Variants in CDC40 observed in about 807,000 individuals in gnomAD.
The protein encoded by CDC40 is cell division cycle 40, also known as pre-mRNA-processing factor 17.
CDC40 carries 27 observed loss-of-function variants against 80.6 expected under a neutral mutation model. The observed-to-expected ratio is 0.33, with a 90% CI of 0.25 to 0.46. The LOEUF is 0.46. Among genes scored for constraint, CDC40 ranks in the 20% least tolerant of loss-of-function variants. The pLI, the probability that CDC40 is intolerant of heterozygous loss-of-function variation, is 1.00. For synonymous variants in CDC40, 221 were observed against 232.6 expected, an observed-to-expected ratio of 0.95 and a Z score of 0.45; for missense variants, 486 against 694.1, an observed-to-expected ratio of 0.70 and a Z score of 3.37.
chr6:110,201,476 T>C, intron 2 of CDC40, 82 bp from the exon 3 acceptor site: 9 of 1,039,588 alleles, frequency 8.7e-6, no homozygotes, highest in Non-Finnish European at 1.2e-5. Context: ...TGTACAGTTA[T>C]TCCAGTAATT....
chr6:110,221,598 C>A (rs917902835), intron 12 of CDC40, among the ~76,000 whole-genome samples: 5 of 152,152 alleles, frequency 3.3e-5, no homozygotes, highest in African/African-American at 4.8e-5. Flanking sequence ...TATGAGCCAC[C>A]TTAGATCACT....
At chr6:110,193,080 C>T in intron 1 of CDC40, 102 bp from the exon 2 acceptor site, 1 of 686,200 alleles carries the variant, frequency 1.5e-6, no homozygotes, top group Non-Finnish European at 2.6e-6. Context: ...AAGTTATAAC[C>T]ATAAAATAGA....
intron 1 of CDC40, among the ~76,000 whole-genome samples, chr6:110,180,934 T>A (rs559882729): frequency 9.8e-5 from 15 of 152,302 alleles, no homozygotes; most frequent in African/African-American, 3.4e-4. Context: ...TCTCGGAACA[T>A]AAGTGAAATT....
chr6:110,212,938 T>TG (rs1777655227), intron 7 of CDC40, 148 bp from the exon 8 acceptor site: 1 of 656,582 alleles, frequency 1.5e-6, no homozygotes. Context: ...GCTCTTGGAA[T>TG]GCTAATGAAA....
intron 1 of CDC40, among the ~76,000 whole-genome samples, chr6:110,182,728 A>G (rs2114645055): frequency 6.6e-6 from 1 of 152,204 alleles, no homozygotes; most frequent in East Asian, 1.9e-4. Context: ...ACTCAATGAT[A>G]TTCATCAAAT....
chr6:110,201,484 AT>A (rs1479865372), intron 2 of CDC40, 73 bp from the exon 3 acceptor site: 2 of 1,145,394 alleles, frequency 1.7e-6, no homozygotes, highest in African/African-American at 3.1e-5. Flanking sequence ...TATTCCAGTA[AT>A]TCTAACTTCC....
chr6:110,181,996 T>A lies in CDC40; in HGVS notation c.189+1363T>A, dbSNP rs115562845. Among the ~76,000 whole-genome samples the A allele has an allele frequency of 2.3e-3, 349 of 152,310 alleles. 1 individual carries two copies. Among genetic ancestry groups the A allele is most frequent in the African/African-American group, 8.1e-3 (337 of 41,552 alleles). On this transcript the variant is annotated intron_variant, in intron 1 of 14. Transcript: ENST00000307731. The stretch of plus-strand genomic sequence containing the variant: ...CTCTTAGTCCTCTTTGCATTCCACA[T>A]ATTCTCCCATACCTTCAACCTCAGG...
Position 110,207,506 on chromosome 6 carries a change from G to A in CDC40, c.407G>A (p.Gly136Asp). The change falls in exon 4 of 15, where the codon GGT (glycine) becomes GAT (aspartate). Residue 136 changes from glycine (G) to aspartate (D), a missense_variant and splice_region_variant. By Grantham distance (94) the Gly-to-Asp change is moderately conservative. This residue lies in a region of CDC40 where 381 missense variants were observed against 492.1 expected (regional missense o/e 0.77). Coordinates refer to ENST00000307731, the MANE Select transcript of CDC40 (RefSeq NM_015891.3). ...ATAATTTTCACTTTTTTGCTTTCAG[G>A]TTATGCATTAGACCCTTCATTAGAT... Reference protein sequence around the residue: ...EQQRRTFATYGYALDPSLDNH... With the variant: ...EQQRRTFATYDYALDPSLDNH... The A allele has an allele frequency of 6.4e-7, 1 of 1,557,372 alleles. No homozygotes were observed. The highest frequency in any genetic ancestry group is 8.8e-7 in the Non-Finnish European group (1 of 1,134,450).
chr6:110,210,811 A>AT lies in CDC40; in HGVS notation c.727+14dup, dbSNP rs756723109. ...AGAAGACAATCTTACATGGTAACAT[A>AT]TTTTTTGTACATCTTCATTTTTATG... On this transcript the variant is annotated intron_variant, in intron 6 of 14. Transcript: ENST00000307731. 9 of 1,454,760 alleles carry AT rather than the reference A, an allele frequency of 6.2e-6. No homozygotes were observed. Among genetic ancestry groups the AT allele is most frequent in the Non-Finnish European group, 7.4e-6 (8 of 1,080,822 alleles). The allele number at this position is 1,454,760 out of a possible 1,614,324, so 90.1% of individuals were successfully genotyped here.
chr6:110,204,275 G>C (rs1360425834), intron 3 of CDC40, among the ~76,000 whole-genome samples: 1 of 152,140 alleles, frequency 6.6e-6, no homozygotes, highest in South Asian at 2.1e-4. Context: ...GCCTCCCAAA[G>C]TGCTGGGATT....
chr6:110,212,411 C>G lies in CDC40; in HGVS notation c.867+139C>G, dbSNP rs2114664783. 4 of 785,780 alleles carry G rather than the reference C, an allele frequency of 5.1e-6. No individual in the cohort carries two copies. The East Asian group carries it at 1.1e-4, about 21-fold the overall frequency. 48.7% of individuals were successfully genotyped at this position (785,780 alleles called of 1,614,324 possible). Reference sequence around the variant, plus strand: ...AAATTGAATGTAAGCCTGAGTTATGCTTTGGAGATGCCCACACATCCATCA... The same window carrying G: ...AAATTGAATGTAAGCCTGAGTTATGGTTTGGAGATGCCCACACATCCATCA... On this transcript the variant is annotated intron_variant, in intron 7 of 14. Transcript: ENST00000307731.
At chr6:110,183,465 C>T (rs1274546239) in intron 1 of CDC40, among the ~76,000 whole-genome samples, 1 of 152,140 alleles carries the variant, frequency 6.6e-6, no homozygotes, top group Non-Finnish European at 1.5e-5. Context: ...TAAGGGAACC[C>T]AGGAGGAAAG....
At chr6:110,181,181 A>G (rs1355405896) in intron 1 of CDC40, among the ~76,000 whole-genome samples, 1 of 152,248 alleles carries the variant, frequency 6.6e-6, no homozygotes, top group Non-Finnish European at 1.5e-5. Context: ...GCACAGAGCC[A>G]ACTAGTGAGA....
intron 1 of CDC40, among the ~76,000 whole-genome samples, chr6:110,185,401 C>T (rs1002405549): frequency 2.0e-5 from 3 of 151,530 alleles, no homozygotes; most frequent in Non-Finnish European, 4.4e-5. Context: ...CGCCACTACG[C>T]CCGGCTAATT....
chr6:110,219,745 C>T lies in CDC40; in HGVS notation c.1216C>T (p.Arg406Ter), dbSNP rs777078730. The T allele has an allele frequency of 9.3e-6, 15 of 1,613,686 alleles. No individual in the cohort carries two copies. Among genetic ancestry groups the T allele is most frequent in the Admixed American group, 5.0e-5 (3 of 59,956 alleles). ...SDKKIVQWDI[R>*]SGEIVQEYDR... ...CTTGCCTGATACACAGTGGGACATT[C>T]GAAGTGGAGAAATTGTGCAGGAATA... Residue 406 changes from arginine to a stop codon, truncating the protein, a stop_gained, in exon 12 of 15, where the codon CGA becomes TGA. Transcript: ENST00000307731. LOFTEE classifies it high-confidence loss of function.
chr6:110,206,526 A>G (rs531482805), intron 3 of CDC40, among the ~76,000 whole-genome samples: 33 of 152,336 alleles, frequency 2.2e-4, no homozygotes, highest in African/African-American at 7.9e-4. Flanking sequence ...TTAAATTCCC[A>G]TGGACCACTG....
At chr6:110,184,371 C>T (rs932215537) in intron 1 of CDC40, among the ~76,000 whole-genome samples, 1 of 146,832 alleles carries the variant, frequency 6.8e-6, no homozygotes, top group Non-Finnish European at 1.5e-5. Flanking sequence ...TTTGTTTAGG[C>T]CTTTTTTTAG....
intron 8 of CDC40, among the ~76,000 whole-genome samples, chr6:110,213,565 T>C (rs1288965486): frequency 6.6e-6 from 1 of 152,040 alleles, no homozygotes; most frequent in Non-Finnish European, 1.5e-5. Context: ...TTTTTAAGCT[T>C]AGACAACTGA....
Position 110,204,537 on chromosome 6 carries a change from G to A in CDC40, c.406+2850G>A, listed in dbSNP as rs150498403. On this transcript the variant is annotated intron_variant, in intron 3 of 14. Coordinates refer to ENST00000307731, the MANE Select transcript of CDC40 (RefSeq NM_015891.3). ...TATTTTATACTATTTTCTTAAATGA[G>A]TTCCCAAACGTAGGTAAAAGAATAT... Among the ~76,000 whole-genome samples the A allele has an allele frequency of 2.3e-3, 350 of 151,856 alleles. 1 individual carries two copies. The highest frequency in any genetic ancestry group is 8.2e-3 in the African/African-American group (338 of 41,408).
Sources: gnomAD v4.1 joint callset for allele counts (sites outside exome capture counted in the v4.1 genomes callset) on GRCh38, gnomAD v4.1.1 for gene constraint, gnomAD v4.1.1 regional missense constraint, MANE v1.5 for transcripts, NCBI Gene and HGNC (gene_info 2026-07-23, HGNC 2026-07-21) for gene names.